RBM44: variants seen among roughly 807,000 people sequenced by gnomAD.
The protein encoded by RBM44 is RNA binding motif protein 44.
A neutral mutation model predicts 105.1 loss-of-function variants in RBM44; 66 were observed. The observed-to-expected ratio is 0.63, with a 90% CI of 0.52 to 0.77. The LOEUF is 0.77. Ranked by LOEUF, RBM44 falls within the 30% of genes least tolerant of loss-of-function variation. The pLI is 0.00. For synonymous variants in RBM44, 365 were observed against 417.6 expected, an observed-to-expected ratio of 0.87 and a Z score of 1.54; for missense variants, 1,122 against 1,207.8, an observed-to-expected ratio of 0.93 and a Z score of 1.05.
At chr2:237,840,261 A>G (rs1327786913) in intron 15 of RBM44, among the ~76,000 whole-genome samples, 5 of 151,828 alleles carry the variant, frequency 3.3e-5, no homozygotes, top group African/African-American at 9.7e-5. Flanking sequence ...TCAGAAAATA[A>G]TGCACACTTG....
intron 8 of RBM44, among the ~76,000 whole-genome samples, chr2:237,822,810 T>C (rs10166069): frequency 0.029 from 4,344 of 152,126 alleles, 206 homozygotes; most frequent in African/African-American, 0.099. Context: ...AGTTGAGATT[T>C]ATTTTAAGTT....
At position 237,806,942 on chromosome 2, in the gene RBM44, T is replaced by C. The variant is rs2061604757; in HGVS notation, c.-18-6650T>C. On this transcript the variant is annotated intron_variant, in intron 1 of 15. Coordinates refer to ENST00000316997, the MANE Select transcript of RBM44 (RefSeq NM_001080504.3). ...ATATCTACTTTTTAATATTTCTCAA[T>C]TTTATAAGATTGTTATCTTTTTCAT... Among the ~76,000 whole-genome samples, 3 of 152,200 alleles carry C rather than the reference T, an allele frequency of 2.0e-5. No homozygotes were observed. In the South Asian group the frequency reaches 6.2e-4, roughly 32 times the overall value.
At chr2:237,832,189 C>G (rs2061910838) in intron 13 of RBM44, among the ~76,000 whole-genome samples, 1 of 149,554 alleles carries the variant, frequency 6.7e-6, no homozygotes, top group Non-Finnish European at 1.5e-5. Context: ...GGATCTCACT[C>G]TGTCACCCAG....
chr2:237,824,211 T>A (rs1576510690), intron 9 of RBM44, 80 bp from the exon 10 acceptor site: 1 of 1,377,686 alleles, frequency 7.3e-7, no homozygotes, highest in Non-Finnish European at 1.0e-6. Flanking sequence ...ATCGTACTGA[T>A]TCATCCATGG....
intron 12 of RBM44, among the ~76,000 whole-genome samples, 170 bp downstream of exon 12, chr2:237,827,673 C>A (rs1401145383): frequency 1.3e-5 from 2 of 152,104 alleles, no homozygotes; most frequent in Admixed American, 1.3e-4. Context: ...TGAGTTGATA[C>A]TGTTCTTAAC....
At position 237,818,506 on chromosome 2, in the gene RBM44, T is replaced by C; in HGVS notation, c.1587T>C (p.Asp529=). 6.2e-7 allele frequency: 1 copy of C among 1,610,804 alleles called. No individual in the cohort carries two copies. Among genetic ancestry groups the C allele is most frequent in the Non-Finnish European group, 8.5e-7 (1 of 1,178,022 alleles). ...ACSTDWSYSE[D]CIDTQMAITK... ...GTACAGATTGGTCATACAGTGAAGATTGTATAGATACACAGATGGCTATAA... is the reference window on the plus strand; with the variant it reads ...GTACAGATTGGTCATACAGTGAAGACTGTATAGATACACAGATGGCTATAA... Residue 529 remains aspartate, a synonymous_variant, in exon 3 of 16, where the codon GAT becomes GAC. Transcript: ENST00000316997. The surrounding 1 kb of genome is among the most constrained non-coding windows in gnomAD (Gnocchi z 4.6).
At position 237,842,063 on chromosome 2, in the gene RBM44, A is replaced by T. The variant is rs1576522254; in HGVS notation, c.*247A>T. ...AAAATATAATTTTTAATAAGTTTTT[A>T]AATTTTTTTATTTCAATTTTGTTAC... On this transcript the variant is annotated 3_prime_UTR_variant, in exon 16 of 16. Transcript: ENST00000316997. 1 of 152,164 alleles carries T rather than the reference A, an allele frequency of 6.6e-6. No individual in the cohort carries two copies. The highest frequency in any genetic ancestry group is 1.9e-4 in the East Asian group (1 of 5,186). 9.4% of individuals were successfully genotyped at this position (152,164 alleles called of 1,614,324 possible). A position where few individuals can be genotyped will look rare whatever the true frequency, so the allele number is the denominator to read the frequency against.
intron 13 of RBM44, among the ~76,000 whole-genome samples, chr2:237,830,560 T>C (rs368235617): frequency 2.6e-5 from 4 of 152,288 alleles, no homozygotes; most frequent in African/African-American, 9.6e-5. Flanking sequence ...TTGAGTTAAT[T>C]TTTATATATT....
intron 1 of RBM44, 111 bp from the exon 2 acceptor site, chr2:237,813,481 T>C (rs906077301): frequency 1.7e-6 from 1 of 589,996 alleles, no homozygotes; most frequent in Non-Finnish European, 2.9e-6. Context: ...ATTGGTTTTT[T>C]AAAAAATGTT....
chr2:237,840,429 A>T (rs969850338), intron 15 of RBM44, among the ~76,000 whole-genome samples: 1 of 152,190 alleles, frequency 6.6e-6, no homozygotes, highest in Non-Finnish European at 1.5e-5. Flanking sequence ...AACATGGATT[A>T]AAGACTTAAG....
chr2:237,799,526 T>G (rs767812523), intron 1 of RBM44: 1 of 152,194 alleles, frequency 6.6e-6, no homozygotes, highest in African/African-American at 2.4e-5. Flanking sequence ...GATCTCGGTC[T>G]CTATCTCCTG....
At chr2:237,809,155 T>C (rs965047239) in intron 1 of RBM44, among the ~76,000 whole-genome samples, 3 of 152,200 alleles carry the variant, frequency 2.0e-5, no homozygotes, top group African/African-American at 7.2e-5. Flanking sequence ...TGACAGTAAC[T>C]AGTCTATATA....
At chr2:237,807,309 T>C (rs762361851) in intron 1 of RBM44, among the ~76,000 whole-genome samples, 23 of 152,136 alleles carry the variant, frequency 1.5e-4, no homozygotes, top group Non-Finnish European at 2.8e-4. Flanking sequence ...CCACCACACC[T>C]GGCTAATTTT....
rs1460013988 is a variant in RBM44 at position 237,821,497 on chromosome 2, T to C, written c.2120+129T>C. The stretch of plus-strand genomic sequence containing the variant: ...ATGTTTTAATGAAGTGTTTATCTTT[T>C]TTCTTGACATTTAATATTGTACAAA... On this transcript the variant is annotated intron_variant, in intron 7 of 15. Coordinates refer to ENST00000316997, the MANE Select transcript of RBM44 (RefSeq NM_001080504.3). 3.7e-6 allele frequency: 3 copies of C among 801,330 alleles called. No homozygotes were observed. The East Asian group carries it at 8.0e-5, about 21-fold the overall frequency. The allele number at this position is 801,330 out of a possible 1,614,324, so 49.6% of individuals were successfully genotyped here. A position where few individuals can be genotyped will look rare whatever the true frequency, so the allele number is the denominator to read the frequency against.
At position 237,838,565 on chromosome 2, in the gene RBM44, A is replaced by G. The variant is rs548858755; in HGVS notation, c.*23-3274A>G. On this transcript the variant is annotated intron_variant, in intron 15 of 15. Coordinates refer to ENST00000316997, the MANE Select transcript of RBM44 (RefSeq NM_001080504.3). ...TTAAAATACATGAAAATACTAATAC[A>G]TAAGTTGAGAGGGGATTAAGTATTC... Among the ~76,000 whole-genome samples the G allele has an allele frequency of 1.7e-4, 26 of 152,334 alleles. No individual in the cohort carries two copies. The South Asian group carries it at 5.2e-3, about 30-fold the overall frequency.
intron 13 of RBM44, among the ~76,000 whole-genome samples, chr2:237,831,671 A>C (rs1215968554): frequency 6.6e-6 from 1 of 152,064 alleles, no homozygotes; most frequent in Non-Finnish European, 1.5e-5. Flanking sequence ...CGATAATCTG[A>C]CTTCAGTCTC....
At chr2:237,812,970 T>C (rs1282941730) in intron 1 of RBM44, among the ~76,000 whole-genome samples, 3 of 152,176 alleles carry the variant, frequency 2.0e-5, no homozygotes, top group Non-Finnish European at 4.4e-5. Context: ...TAAAAAGTCA[T>C]CATTATTACC....
At chr2:237,832,580 G>A (rs1266100613) in intron 13 of RBM44, among the ~76,000 whole-genome samples, 3 of 152,186 alleles carry the variant, frequency 2.0e-5, no homozygotes, top group East Asian at 3.8e-4. Context: ...GGAGAGAGAC[G>A]TTATAAAGAG....
chr2:237,821,288 A>T lies in RBM44; in HGVS notation c.2097+34A>T, dbSNP rs1386198376. The T allele has an allele frequency of 6.4e-6, 10 of 1,552,408 alleles. No individual in the cohort carries two copies. The East Asian group carries it at 2.1e-4, about 33-fold the overall frequency. On this transcript the variant is annotated intron_variant, in intron 6 of 15. Transcript: ENST00000316997. ...ATATGTTTTAGAAATAAAAAATTTTACTTCATTTAGACAAAACATTTTAAA... is the reference window on the plus strand; with the variant it reads ...ATATGTTTTAGAAATAAAAAATTTTTCTTCATTTAGACAAAACATTTTAAA...
Sources: allele counts gnomAD v4.1 joint callset (sites outside exome capture counted in the v4.1 genomes callset), GRCh38; gene constraint gnomAD v4.1.1; non-coding constraint Gnocchi (gnomAD v3.1); transcripts MANE v1.5; gene names NCBI Gene and HGNC (gene_info 2026-07-23, HGNC 2026-07-21).